Variants in DYNC2LI1 observed in about 807,000 individuals in gnomAD.
The protein encoded by DYNC2LI1 is cytoplasmic dynein 2 light intermediate chain 1.
Under a neutral mutation model 51.9 loss-of-function variants are expected in DYNC2LI1, and 45 were observed. That is an observed-to-expected ratio of 0.87 (90% CI 0.68 to 1.11). The LOEUF (loss-of-function observed/expected upper bound fraction) is 1.11, where lower values mean the gene tolerates loss of function less well. DYNC2LI1 is among the 50% of genes most tolerant of loss of function. DYNC2LI1 has a pLI of 0.00. For missense variants in DYNC2LI1, 490 were observed against 417.4 expected (o/e 1.17, Z -1.51); for synonymous variants, 130 against 137.8 (o/e 0.94, Z 0.40).
the DYNC2LI1 span, chr2:43,826,265 G>T: frequency 6.7e-7 from 1 of 1,496,946 alleles, no homozygotes; most frequent in Non-Finnish European, 9.1e-7. Context: ...CTCCCAAAGT[G>T]CTGGAATTAC....
chr2:43,775,649 C>T (rs1205074207), intron 1 of DYNC2LI1: 1 of 361,478 alleles, frequency 2.8e-6, no homozygotes, highest in Admixed American at 3.3e-5. Flanking sequence ...GAGTGCATGT[C>T]ACCACACCCA....
rs774882922 is a variant in DYNC2LI1, at chr2:43,801,701, G to A, written c.794G>A (p.Gly265Asp). ...ATCACAGCAGGATTGGATTCTTTCG[G>A]TCAAATAGGTTAGTGAACTTATTAA... ...LFITAGLDSF[G>D]QIGSPPVPEN... Residue 265 changes from glycine to aspartate, a missense_variant, in exon 10 of 13, where the codon GGT becomes GAT. Coordinates refer to ENST00000260605, the MANE Select transcript of DYNC2LI1 (RefSeq NM_016008.4). 1 of 1,607,974 alleles carries A rather than the reference G, an allele frequency of 6.2e-7. No individual in the cohort carries two copies. Among genetic ancestry groups the A allele is most frequent in the South Asian group, 1.1e-5 (1 of 89,932 alleles).
the DYNC2LI1 span, chr2:43,824,620 G>A: frequency 1.0e-6 from 1 of 985,324 alleles, no homozygotes; most frequent in Non-Finnish European, 1.2e-6. Context: ...ATCCCATTGG[G>A]ATTGTCTGGG....
chr2:43,827,937 G>T, the DYNC2LI1 span: 1 of 1,611,662 alleles, frequency 6.2e-7, no homozygotes, highest in South Asian at 1.1e-5. Context: ...CACACACACA[G>T]AAGATGCCCA....
the DYNC2LI1 span, among the ~76,000 whole-genome samples, chr2:43,815,926 AAG>A: frequency 4.5e-4 from 67 of 147,752 alleles, no homozygotes; most frequent in African/African-American, 1.8e-3. Context: ...AAAAAAAAAA[AAG>A]GACCAGACTA....
chr2:43,815,736 G>C, the DYNC2LI1 span, among the ~76,000 whole-genome samples: 23 of 152,274 alleles, frequency 1.5e-4, no homozygotes, highest in Admixed American at 1.5e-3. Context: ...TGAAGGAACA[G>C]TGGGAGGGGA....
At chr2:43,777,657 T>C (rs1673083488) in intron 2 of DYNC2LI1, among the ~76,000 whole-genome samples, 1 of 152,330 alleles carries the variant, frequency 6.6e-6, no homozygotes, top group East Asian at 1.9e-4. Flanking sequence ...CATTGACAAA[T>C]ACGAAGCTTT....
At chr2:43,797,025 A>G (rs1263110621) in intron 8 of DYNC2LI1, among the ~76,000 whole-genome samples, 1 of 152,210 alleles carries the variant, frequency 6.6e-6, no homozygotes, top group African/African-American at 2.4e-5. Flanking sequence ...AATTGCTTAT[A>G]TCCATAAATC....
At chr2:43,782,547 TA>T (rs779034508) in intron 2 of DYNC2LI1, among the ~76,000 whole-genome samples, 3,162 of 127,394 alleles carry the variant, frequency 0.025, 87 homozygotes, top group African/African-American at 0.07. Context: ...GTCTTTTCTT[TA>T]AAAAAAAAAA....
chr2:43,828,093 A>T, the DYNC2LI1 span: 2 of 1,614,056 alleles, frequency 1.2e-6, no homozygotes, highest in South Asian at 1.1e-5. Context: ...GCTCAGACTC[A>T]GCTCTGCCAT....
chr2:43,813,308 G>A, downstream of DYNC2LI1: 1 of 1,607,520 alleles, frequency 6.2e-7, no homozygotes. Context: ...CATTTGAGCT[G>A]CCTGTCAAGG....
intron 5 of DYNC2LI1, among the ~76,000 whole-genome samples, chr2:43,791,895 C>T (rs537332613): frequency 2.8e-4 from 42 of 151,966 alleles, no homozygotes; most frequent in Non-Finnish European, 5.3e-4. Flanking sequence ...CTATCATTTG[C>T]TATGAAATAG....
the DYNC2LI1 span, chr2:43,826,668 G>T: frequency 1.6e-6 from 2 of 1,287,864 alleles, no homozygotes; most frequent in Admixed American, 1.9e-5. Context: ...CTGGCTTTCA[G>T]CCTGAGCTCA....
At chr2:43,805,083 T>A in intron 11 of DYNC2LI1, 71 bp from the exon 12 acceptor site, 4 of 985,816 alleles carry the variant, frequency 4.1e-6, no homozygotes, top group Non-Finnish European at 4.7e-6. Flanking sequence ...GGAGCTTGGT[T>A]TATTAGGCAG....
the DYNC2LI1 span, among the ~76,000 whole-genome samples, chr2:43,821,844 TTCA>T: frequency 6.6e-6 from 1 of 152,088 alleles, no homozygotes; most frequent in South Asian, 2.1e-4. Flanking sequence ...TCTTGATATC[TTCA>T]TCATCTCTAT....
the DYNC2LI1 span, chr2:43,823,978 A>C: frequency 6.1e-5 from 98 of 1,614,230 alleles, 2 homozygotes; most frequent in South Asian, 1.0e-3. Context: ...AAGGAGACCT[A>C]CGCGGTCCTG....
chr2:43,780,010 A>G (rs1265670629), intron 2 of DYNC2LI1, among the ~76,000 whole-genome samples: 1 of 152,202 alleles, frequency 6.6e-6, no homozygotes, highest in Admixed American at 6.5e-5. Context: ...GATGATTGTA[A>G]TGATAAACTA....
chr2:43,775,289 C>T (rs1672959680), intron 1 of DYNC2LI1, among the ~76,000 whole-genome samples: 2 of 152,166 alleles, frequency 1.3e-5, no homozygotes, highest in Non-Finnish European at 2.9e-5. Flanking sequence ...CCCAAGTTCA[C>T]ATACATAGGA....
chr2:43,826,552 G>GT, the DYNC2LI1 span: 3 of 1,614,074 alleles, frequency 1.9e-6, no homozygotes, highest in Non-Finnish European at 2.5e-6. Flanking sequence ...GACTTCTAAG[G>GT]TAGTGCAGAG....
Sources: gnomAD v4.1 joint callset for allele counts (sites outside exome capture counted in the v4.1 genomes callset) on GRCh38, gnomAD v4.1.1 for gene constraint, MANE v1.5 for transcripts, NCBI Gene and HGNC (gene_info 2026-07-23, HGNC 2026-07-21) for gene names.